The following MTUS2 variants were observed in gnomAD, a reference collection of about 807,000 sequenced individuals.
MTUS2 encodes the protein microtubule associated scaffold protein 2.
A neutral mutation model predicts 114.1 loss-of-function variants in MTUS2; 40 were observed. That is an observed-to-expected ratio of 0.35 (90% CI 0.27 to 0.46). The LOEUF (loss-of-function observed/expected upper bound fraction) is 0.46, where lower values mean the gene tolerates loss of function less well. MTUS2 is among the 20% of genes least tolerant of loss of function. The pLI, the probability that MTUS2 is intolerant of heterozygous loss-of-function variation, is 1.00. For missense variants in MTUS2, 1,679 were observed against 1,705.4 expected, an observed-to-expected ratio of 0.98 and a Z score of 0.27; for synonymous variants, 688 against 672.0, an observed-to-expected ratio of 1.02 and a Z score of -0.37.
chr13:29,386,817 C>T (rs567852469), intron 8 of MTUS2, among the ~76,000 whole-genome samples: 1 of 152,298 alleles, frequency 6.6e-6, no homozygotes, highest in African/African-American at 2.4e-5. Flanking sequence ...CATGATGGCT[C>T]CTCCCTGCTG....
intron 4 of MTUS2, among the ~76,000 whole-genome samples, chr13:29,043,234 G>T (rs1490338711): frequency 6.6e-6 from 1 of 152,046 alleles, no homozygotes; most frequent in Non-Finnish European, 1.5e-5. Context: ...CCATGTATTT[G>T]CCTGCTTTTG....
At chr13:29,459,426 G>T (rs550428338) in intron 9 of MTUS2, among the ~76,000 whole-genome samples, 1 of 151,998 alleles carries the variant, frequency 6.6e-6, no homozygotes, top group Non-Finnish European at 1.5e-5. Context: ...CTTCTTCCTC[G>T]TTATTATTAT....
intron 2 of MTUS2, among the ~76,000 whole-genome samples, chr13:28,940,622 G>A (rs1351298581): frequency 6.6e-6 from 1 of 151,070 alleles, no homozygotes; most frequent in Admixed American, 6.6e-5. Flanking sequence ...ACTGGAAACT[G>A]TAAGAGTATA....
At position 29,143,275 on chromosome 13, in the gene MTUS2, G is replaced by T. The variant is rs190307713; in HGVS notation, c.2644+42305G>T. On this transcript the variant is annotated intron_variant, in intron 5 of 15. Transcript: ENST00000612955. ...AAATACTAGTAGAAAAAAATAAAAT[G>T]GAAAAAACACAGATAAAACTGTAGG... 3.6e-3 allele frequency among the ~76,000 whole-genome samples: 543 copies of T among 152,180 alleles called. 5 individuals carry two copies. Among genetic ancestry groups the T allele is most frequent in the African/African-American group, 0.012 (507 of 41,522 alleles).
chr13:29,025,817 G>A lies in MTUS2; in HGVS notation c.1119G>A (p.Val373=), dbSNP rs1050114054. The change falls in exon 3 of 16, where the codon GTG becomes GTA. Residue 373 remains valine, a synonymous_variant. Transcript: ENST00000612955. ...ACAGTGACCTCCACCACCTTGGGGT[G>A]GGAAGAGGCAACTGTGAAGAGAAGA... is the stretch of plus-strand genomic sequence containing the variant. ...LLNSDLHHLG[V]GRGNCEEKRG... The A allele has an allele frequency of 6.2e-7, 1 of 1,613,902 alleles. No individual in the cohort carries two copies. The highest frequency in any genetic ancestry group is 8.5e-7 in the Non-Finnish European group (1 of 1,179,848).
chr13:29,144,123 A>T (rs1032648344), intron 5 of MTUS2, among the ~76,000 whole-genome samples: 1 of 152,244 alleles, frequency 6.6e-6, no homozygotes, highest in East Asian at 1.9e-4. Context: ...CTGACAATCC[A>T]GAAAGAGGGA....
At chr13:29,301,303 T>A (rs1331710770) in intron 6 of MTUS2, among the ~76,000 whole-genome samples, 2 of 152,140 alleles carry the variant, frequency 1.3e-5, no homozygotes, top group African/African-American at 4.8e-5. Context: ...GTGATGGCCC[T>A]CTTTACACAG....
chr13:29,406,306 C>T lies in MTUS2; in HGVS notation c.3118-33677C>T, dbSNP rs544723789. The stretch of plus-strand genomic sequence containing the variant: ...GAGAGACTTAGCCAGTAGAAGCTGG[C>T]GATTCTGGCTCAGGATTGCTCACAA... On this transcript the variant is annotated intron_variant, in intron 8 of 15. Transcript: ENST00000612955. 1.5e-4 allele frequency among the ~76,000 whole-genome samples: 23 copies of T among 152,266 alleles called. No homozygotes were observed. The East Asian group carries it at 4.1e-3, about 27-fold the overall frequency.
intron 1 of MTUS2, among the ~76,000 whole-genome samples, chr13:28,826,827 G>A (rs1874301128): frequency 6.6e-6 from 1 of 152,150 alleles, no homozygotes; most frequent in African/African-American, 2.4e-5. Context: ...AACAGCAGAA[G>A]CAAATAACAC....
intron 7 of MTUS2, among the ~76,000 whole-genome samples, chr13:29,328,081 G>A (rs1203698994): frequency 6.6e-6 from 1 of 150,526 alleles, no homozygotes; most frequent in Non-Finnish European, 1.5e-5. Context: ...TTTAAATTGG[G>A]TTGTTTTCTT....
intron 5 of MTUS2, among the ~76,000 whole-genome samples, chr13:29,245,996 C>T (rs1193486789): frequency 6.6e-6 from 1 of 152,172 alleles, no homozygotes; most frequent in African/African-American, 2.4e-5. Flanking sequence ...CGCGCCCAGC[C>T]TCATCTATTT....
intron 12 of MTUS2, 31 bp from the exon 13 acceptor site, chr13:29,497,207 C>T (rs759597468): frequency 2.9e-5 from 46 of 1,597,840 alleles, no homozygotes; most frequent in Non-Finnish European, 3.8e-5. Flanking sequence ...TGTAGTGGCC[C>T]CAGCTGGACT....
chr13:29,027,490 A>G lies in MTUS2; in HGVS notation c.2205+587A>G, dbSNP rs551666984. On this transcript the variant is annotated intron_variant, in intron 3 of 15. Transcript: ENST00000612955. ...CGTTTGATCTTTGTTAATCTTCACT[A>G]ATCCTTGCAGTAATTCCCTGAGGGT... 4.3e-4 allele frequency among the ~76,000 whole-genome samples: 66 copies of G among 152,342 alleles called. No individual in the cohort carries two copies. In the South Asian group the frequency reaches 0.013, roughly 31 times the overall value.
At chr13:29,368,274 A>G (rs538198714) in intron 8 of MTUS2, among the ~76,000 whole-genome samples, 6 of 149,378 alleles carry the variant, frequency 4.0e-5, no homozygotes, top group African/African-American at 9.9e-5. Context: ...CACCTGTCCC[A>G]CCCCCTGGGA....
At chr13:28,842,335 A>G (rs1002616280) in intron 2 of MTUS2, among the ~76,000 whole-genome samples, 3 of 152,184 alleles carry the variant, frequency 2.0e-5, no homozygotes, top group Non-Finnish European at 2.9e-5. Flanking sequence ...TGTGGACATT[A>G]TCCTTGACTG....
intron 2 of MTUS2, among the ~76,000 whole-genome samples, chr13:28,849,296 TAGGTC>T (rs1258212966): frequency 1.3e-5 from 2 of 152,186 alleles, no homozygotes; most frequent in Admixed American, 1.3e-4. Flanking sequence ...AAGCAAGTGT[TAGGTC>T]AGTAAAAATA....
At chr13:28,977,795 A>G (rs568055405) in intron 2 of MTUS2, among the ~76,000 whole-genome samples, 28 of 152,310 alleles carry the variant, frequency 1.8e-4, no homozygotes, top group African/African-American at 6.5e-4. Context: ...GGATTTATTC[A>G]TTTATTTTTA....
At chr13:29,301,460 C>T (rs927009346) in intron 6 of MTUS2, among the ~76,000 whole-genome samples, 12 of 152,306 alleles carry the variant, frequency 7.9e-5, no homozygotes, top group African/African-American at 1.4e-4. Flanking sequence ...TTAAAAGCCA[C>T]GTTGGACATA....
chr13:29,031,371 AG>A (rs1369110075), intron 3 of MTUS2, among the ~76,000 whole-genome samples: 1 of 152,034 alleles, frequency 6.6e-6, no homozygotes, highest in East Asian at 1.9e-4. Flanking sequence ...AGACAGATAT[AG>A]ATGTATATAT....
Sources: allele counts gnomAD v4.1 joint callset (sites outside exome capture counted in the v4.1 genomes callset), GRCh38; gene constraint gnomAD v4.1.1; transcripts MANE v1.5; gene names NCBI Gene and HGNC (gene_info 2026-07-23, HGNC 2026-07-21).